LYPLAL1: variants seen among roughly 807,000 people sequenced by gnomAD.
LYPLAL1 encodes lysophospholipase-like protein 1.
A neutral mutation model predicts 19.7 loss-of-function variants in LYPLAL1; 23 were observed. That is an observed-to-expected ratio of 1.17 (90% CI 0.84 to 1.65). The LOEUF is 1.65. LYPLAL1 is among the 40% of genes most tolerant of loss of function. The pLI is 0.00. For missense variants in LYPLAL1, 355 were observed against 279.4 expected (o/e 1.27, Z -1.93); for synonymous variants, 119 against 96.3 (o/e 1.24, Z -1.38).
At chr1:219,297,520 GA>G in the LYPLAL1 span, among the ~76,000 whole-genome samples, 2 of 152,158 alleles carry the variant, frequency 1.3e-5, no homozygotes, top group Admixed American at 1.3e-4. Flanking sequence ...AAGTGGTTCT[GA>G]AAAGTTATTC....
the LYPLAL1 span, among the ~76,000 whole-genome samples, chr1:219,411,479 C>T: frequency 2.0e-5 from 3 of 152,088 alleles, no homozygotes; most frequent in African/African-American, 7.2e-5. Flanking sequence ...TTGTATCTAG[C>T]TCAGGGATTG....
the LYPLAL1 span, among the ~76,000 whole-genome samples, chr1:219,218,836 C>T: frequency 6.6e-5 from 10 of 152,098 alleles, no homozygotes; most frequent in African/African-American, 1.9e-4. Context: ...TGAATAACAA[C>T]GCAAGTACCA....
At chr1:219,204,803 AT>A (rs1419889115) in intron 3 of LYPLAL1, among the ~76,000 whole-genome samples, 2 of 152,088 alleles carry the variant, frequency 1.3e-5, no homozygotes, top group Non-Finnish European at 2.9e-5. Context: ...ACCTTCCTTT[AT>A]TGGCCACTAG....
At chr1:219,206,231 T>C (rs142931020) in intron 3 of LYPLAL1, among the ~76,000 whole-genome samples, 2 of 152,268 alleles carry the variant, frequency 1.3e-5, no homozygotes, top group East Asian at 3.9e-4. Context: ...TTAACATGTT[T>C]TATTCAGCTT....
At chr1:219,189,676 C>A (rs1656990952) in intron 2 of LYPLAL1, among the ~76,000 whole-genome samples, 1 of 151,456 alleles carries the variant, frequency 6.6e-6, no homozygotes, top group African/African-American at 2.4e-5. Flanking sequence ...TTTATCTTTT[C>A]TGCAGCAGTT....
At chr1:219,391,778 C>G in the LYPLAL1 span, among the ~76,000 whole-genome samples, 1 of 152,082 alleles carries the variant, frequency 6.6e-6, no homozygotes, top group Non-Finnish European at 1.5e-5. Context: ...CTATTGAACT[C>G]TTTTTTCTCA....
the LYPLAL1 span, among the ~76,000 whole-genome samples, chr1:219,315,212 A>G: frequency 1.3e-5 from 2 of 152,224 alleles, no homozygotes; most frequent in Non-Finnish European, 2.9e-5. Context: ...GTACCTTGTA[A>G]GAATCGTTAA....
At chr1:219,175,152 G>T in intron 1 of LYPLAL1, 1 of 946,764 alleles carries the variant, frequency 1.1e-6, no homozygotes, top group Non-Finnish European at 1.3e-6. Context: ...GCTTGGCCAA[G>T]GTCTCTTAGC....
Position 219,210,561 on chromosome 1 carries a change from A to G in LYPLAL1, c.391A>G (p.Ile131Val), listed in dbSNP as rs1312838143. ...GGFSMGGCMAIHLAYRNHQDV... is the reference protein window; with the variant it reads ...GGFSMGGCMAVHLAYRNHQDV... Reference sequence around the variant, plus strand: ...ATTCTCTATGGGAGGATGCATGGCAATACATTTAGCATATAGAAATCATCA... The same window carrying G: ...ATTCTCTATGGGAGGATGCATGGCAGTACATTTAGCATATAGAAATCATCA... Residue 131 changes from isoleucine to valine, a missense_variant, in exon 4 of 5, where the codon ATA (isoleucine) becomes GTA (valine). Transcript: ENST00000366928. 1.9e-6 allele frequency: 3 copies of G among 1,608,102 alleles called. No individual in the cohort carries two copies. The highest frequency in any genetic ancestry group is 2.2e-5 in the East Asian group (1 of 44,742).
the LYPLAL1 span, among the ~76,000 whole-genome samples, chr1:219,428,673 A>C: frequency 1.3e-5 from 2 of 152,254 alleles, no homozygotes; most frequent in Non-Finnish European, 2.9e-5. Flanking sequence ...GCTCTCTCTT[A>C]TATCGAATTA....
the LYPLAL1 span, among the ~76,000 whole-genome samples, chr1:219,412,090 G>C: frequency 0.8 from 122,148 of 152,206 alleles, 49,396 homozygotes; most frequent in East Asian, 0.92. Context: ...ACTCTGTCAG[G>C]CAGGCTAGAA....
At chr1:219,289,198 A>T in the LYPLAL1 span, among the ~76,000 whole-genome samples, 53 of 152,090 alleles carry the variant, frequency 3.5e-4, no homozygotes, top group Non-Finnish European at 6.2e-4. Context: ...GCAGAGAAAA[A>T]TTTGATAAGT....
chr1:219,437,039 T>C, the LYPLAL1 span: 2 of 152,228 alleles, frequency 1.3e-5, no homozygotes, highest in Non-Finnish European at 2.9e-5. Context: ...TGAAGTTCTA[T>C]GAACCACCTC....
At chr1:219,233,291 A>G in the LYPLAL1 span, among the ~76,000 whole-genome samples, 3 of 152,356 alleles carry the variant, frequency 2.0e-5, no homozygotes, top group East Asian at 5.8e-4. Context: ...TGAGGTATCT[A>G]GAATAGTTCA....
chr1:219,411,068 C>A, the LYPLAL1 span, among the ~76,000 whole-genome samples: 1 of 152,238 alleles, frequency 6.6e-6, no homozygotes, highest in Non-Finnish European at 1.5e-5. Context: ...GGCAGCTCCA[C>A]CTGCAGCCCC....
At chr1:219,401,355 G>A in the LYPLAL1 span, among the ~76,000 whole-genome samples, 1 of 93,872 alleles carries the variant, frequency 1.1e-5, no homozygotes, top group African/African-American at 3.0e-5. Flanking sequence ...TTTTTTAATT[G>A]CCACTTAACC....
chr1:219,279,258 T>C, the LYPLAL1 span, among the ~76,000 whole-genome samples: 2,422 of 152,256 alleles, frequency 0.016, 18 homozygotes, highest in Non-Finnish European at 0.023. Context: ...AAGGAGAGAA[T>C]GGCATAGTAG....
At chr1:219,203,902 C>T (rs1033600703) in intron 3 of LYPLAL1, among the ~76,000 whole-genome samples, 15 of 152,040 alleles carry the variant, frequency 9.9e-5, no homozygotes, top group Non-Finnish European at 1.6e-4. Context: ...TCAGGAATAC[C>T]AGGATGAGTA....
the LYPLAL1 span, among the ~76,000 whole-genome samples, chr1:219,282,239 C>T: frequency 0.02 from 2,981 of 151,866 alleles, 117 homozygotes; most frequent in African/African-American, 0.067. Context: ...AAGTAAAATA[C>T]AAGCATTAAA....
Sources: gnomAD v4.1 joint callset for allele counts (sites outside exome capture counted in the v4.1 genomes callset) on GRCh38, gnomAD v4.1.1 for gene constraint, MANE v1.5 for transcripts, NCBI Gene and HGNC (gene_info 2026-07-23, HGNC 2026-07-21) for gene names.